The following SLC30A9 variants were observed in gnomAD, a reference collection of about 807,000 sequenced individuals.
SLC30A9 encodes the protein solute carrier family 30 member 9.
Under a neutral mutation model 87.5 loss-of-function variants are expected in SLC30A9, and 58 were observed. The observed-to-expected ratio is 0.66, with a 90% CI of 0.54 to 0.82. The LOEUF is 0.82. SLC30A9 is among the 40% of genes least tolerant of loss of function. The pLI is 0.00. For synonymous variants in SLC30A9, 234 were observed against 233.0 expected (o/e 1.00, Z -0.04); for missense variants, 557 against 679.1 (o/e 0.82, Z 2.00).
At chr4:42,001,879 C>G (rs1325812878) in intron 2 of SLC30A9, 99 bp downstream of exon 2, 9 of 699,634 alleles carry the variant, frequency 1.3e-5, no homozygotes, top group Non-Finnish European at 1.8e-5. Flanking sequence ...ACTTATAATA[C>G]TGTCTGGACT....
At chr4:42,029,689 G>A in intron 6 of SLC30A9, 1 of 752,496 alleles carries the variant, frequency 1.3e-6, no homozygotes, top group Admixed American at 1.8e-5. Context: ...CTGGGAAATT[G>A]CTCTGGATTA....
chr4:42,011,890 G>A (rs1260231747), intron 2 of SLC30A9, among the ~76,000 whole-genome samples: 1 of 152,172 alleles, frequency 6.6e-6, no homozygotes, highest in Non-Finnish European at 1.5e-5. Flanking sequence ...TAAAAATGTA[G>A]TAGACTAAAT....
intron 9 of SLC30A9, among the ~76,000 whole-genome samples, chr4:42,056,194 T>C (rs1717603918): frequency 1.3e-5 from 2 of 152,014 alleles, no homozygotes; most frequent in Admixed American, 1.3e-4. Context: ...TGAATGTTTA[T>C]TGAATATTTT....
intron 2 of SLC30A9, among the ~76,000 whole-genome samples, chr4:42,003,052 A>C (rs1381330927): frequency 6.6e-6 from 1 of 152,144 alleles, no homozygotes; most frequent in Non-Finnish European, 1.5e-5. Context: ...TATTTTTATT[A>C]TTTGTAAATC....
intron 17 of SLC30A9, among the ~76,000 whole-genome samples, chr4:42,082,595 C>G (rs549962692): frequency 2.0e-4 from 30 of 152,324 alleles, no homozygotes; most frequent in Middle Eastern, 3.4e-3. Flanking sequence ...CGCCTGTCAT[C>G]CCAGCACTTT....
At chr4:42,022,770 TA>T in intron 4 of SLC30A9, 67 bp from the exon 5 acceptor site, 1 of 829,158 alleles carries the variant, frequency 1.2e-6, no homozygotes, top group Non-Finnish European at 1.9e-6. Context: ...CTGCCCTTAG[TA>T]ATCCTCTTTA....
At chr4:42,039,276 G>C (rs1371731128) in intron 8 of SLC30A9, among the ~76,000 whole-genome samples, 1 of 152,112 alleles carries the variant, frequency 6.6e-6, no homozygotes, top group South Asian at 2.1e-4. Context: ...TTTTGATGTA[G>C]TTAGATCTAA....
intron 2 of SLC30A9, among the ~76,000 whole-genome samples, chr4:42,007,942 A>G (rs993495324): frequency 2.6e-5 from 4 of 152,164 alleles, no homozygotes; most frequent in Non-Finnish European, 2.9e-5. Context: ...CACTTTTTTA[A>G]TTAAAACTCT....
intron 2 of SLC30A9, among the ~76,000 whole-genome samples, chr4:42,011,955 G>A (rs532112415): frequency 6.6e-6 from 1 of 152,200 alleles, no homozygotes; most frequent in African/African-American, 2.4e-5. Flanking sequence ...AGGCACATAG[G>A]AAGGCAAAAA....
chr4:42,006,236 G>T lies in SLC30A9; in HGVS notation c.274+4456G>T, dbSNP rs559413611. Among the ~76,000 whole-genome samples, 9 of 152,226 alleles carry T rather than the reference G, an allele frequency of 5.9e-5. No individual in the cohort carries two copies. In the South Asian group the frequency reaches 1.9e-3, roughly 32 times the overall value. On this transcript the variant is annotated intron_variant, in intron 2 of 17. Coordinates refer to ENST00000264451, the MANE Select transcript of SLC30A9 (RefSeq NM_006345.4). ...TTTTGGTATCTACAGGGAGGTCCTG[G>T]AACCAATCCCCAACAAATACTGAGG...
At chr4:42,059,298 A>G (rs1423570905) in intron 9 of SLC30A9, among the ~76,000 whole-genome samples, 2 of 152,218 alleles carry the variant, frequency 1.3e-5, no homozygotes, top group Non-Finnish European at 2.9e-5. Context: ...AATAGTTCTA[A>G]TAAGGTAGTC....
chr4:42,065,158 T>C (rs1718030008), intron 11 of SLC30A9, 152 bp from the exon 12 acceptor site: 5 of 613,372 alleles, frequency 8.2e-6, no homozygotes, highest in Middle Eastern at 5.2e-4. Context: ...TATCTCATTG[T>C]CCTCCTCATT....
In SLC30A9 at chr4:42,086,125, G is replaced by T; in HGVS notation, c.1706G>T (p.Ter569LeuextTer2). The T allele has an allele frequency of 6.6e-7, 1 of 1,515,414 alleles. No individual in the cohort carries two copies. The highest frequency in any genetic ancestry group is 8.9e-7 in the Non-Finnish European group (1 of 1,117,686). 93.9% of individuals were successfully genotyped at this position (1,515,414 alleles called of 1,614,324 possible). A position where few individuals can be genotyped will look rare whatever the true frequency, so the allele number is the denominator to read the frequency against. The change falls in exon 18 of 18, where the codon TGA (stop) becomes TTA (leucine). Residue 569 changes from the stop codon to leucine, a stop_lost. Coordinates refer to ENST00000264451, the MANE Select transcript of SLC30A9 (RefSeq NM_006345.4). ...CGACATGTAGATTTGGAGATACTGT[G>T]AGTTTGATGGAATGAATCACCTGGG... ...EVRHVDLEIL[*>L]
chr4:41,991,322 C>T (rs1319589231), intron 1 of SLC30A9, among the ~76,000 whole-genome samples: 1 of 152,232 alleles, frequency 6.6e-6, no homozygotes, highest in Non-Finnish European at 1.5e-5. Context: ...AACAAAGAAA[C>T]TCTTCAGTTC....
chr4:42,064,709 A>G (rs538193866), intron 11 of SLC30A9, among the ~76,000 whole-genome samples: 21 of 152,272 alleles, frequency 1.4e-4, no homozygotes, highest in Middle Eastern at 3.4e-3. Context: ...AACTTCTAAA[A>G]GCTCTTGTGT....
chr4:42,058,453 T>G (rs1271744199), intron 9 of SLC30A9, among the ~76,000 whole-genome samples: 2 of 152,206 alleles, frequency 1.3e-5, no homozygotes, highest in Non-Finnish European at 2.9e-5. Flanking sequence ...CCCTCCAAAC[T>G]GTTCCAACCC....
At chr4:42,034,325 A>C (rs1338092251) in intron 6 of SLC30A9, among the ~76,000 whole-genome samples, 1 of 152,190 alleles carries the variant, frequency 6.6e-6, no homozygotes, top group Admixed American at 6.5e-5. Context: ...GGTACAGTTC[A>C]TAAGTGTGTA....
At chr4:42,004,863 A>G (rs1418683611) in intron 2 of SLC30A9, among the ~76,000 whole-genome samples, 1 of 152,018 alleles carries the variant, frequency 6.6e-6, no homozygotes, top group Non-Finnish European at 1.5e-5. Context: ...TGTGTTGCCC[A>G]GGCTGGTCTT....
chr4:41,997,654 G>A (rs981204907), intron 1 of SLC30A9, among the ~76,000 whole-genome samples: 10 of 152,012 alleles, frequency 6.6e-5, no homozygotes, highest in African/African-American at 1.7e-4. Context: ...GTTACCTGCC[G>A]TAATTTAATC....
Sources: gnomAD v4.1 joint callset for allele counts (sites outside exome capture counted in the v4.1 genomes callset) on GRCh38, gnomAD v4.1.1 for gene constraint, MANE v1.5 for transcripts, NCBI Gene and HGNC (gene_info 2026-07-23, HGNC 2026-07-21) for gene names.